Variants in CLVS1 observed in about 807,000 individuals in gnomAD.
CLVS1 encodes the protein clavesin 1, also known as clavesin-1.
A neutral mutation model predicts 33.1 loss-of-function variants in CLVS1; 10 were observed. The ratio of observed to expected loss-of-function variants is 0.30; its 90% CI spans 0.19 to 0.51. CLVS1 has a LOEUF of 0.51. CLVS1 is among the 20% of genes least tolerant of loss of function. The pLI is 0.97. For missense variants in CLVS1, 343 were observed against 433.4 expected, an observed-to-expected ratio of 0.79 and a Z score of 1.85; for synonymous variants, 163 against 166.1, an observed-to-expected ratio of 0.98 and a Z score of 0.14.
intron 2 of CLVS1, among the ~76,000 whole-genome samples, chr8:61,311,861 A>G (rs1371772797): frequency 6.6e-6 from 1 of 152,200 alleles, no homozygotes; most frequent in Non-Finnish European, 1.5e-5. Flanking sequence ...CAATTAGTTG[A>G]TTTGAAATTG....
chr8:61,038,489 T>C, the CLVS1 span, among the ~76,000 whole-genome samples: 1 of 151,016 alleles, frequency 6.6e-6, no homozygotes, highest in East Asian at 1.9e-4. Flanking sequence ...TATATATATG[T>C]GATATCTCAC....
intron 1 of CLVS1, among the ~76,000 whole-genome samples, chr8:61,119,516 GTTCCT>G (rs1805812496): frequency 6.7e-6 from 1 of 148,774 alleles, no homozygotes; most frequent in African/African-American, 2.5e-5. Flanking sequence ...GGTACTGGTT[GTTCCT>G]TTCCATGTTT....
chr8:60,981,423 G>A, the CLVS1 span, among the ~76,000 whole-genome samples: 1 of 152,252 alleles, frequency 6.6e-6, no homozygotes, highest in Non-Finnish European at 1.5e-5. Flanking sequence ...ATATCAGCAT[G>A]TTTCAAAACA....
intron 2 of CLVS1, among the ~76,000 whole-genome samples, chr8:61,338,310 A>T (rs139173193): frequency 7.9e-5 from 12 of 152,340 alleles, no homozygotes; most frequent in African/African-American, 2.9e-4. Flanking sequence ...TTTGCCACGC[A>T]TTTACCATTT....
At chr8:61,278,056 T>C (rs191148243) in intron 2 of CLVS1, among the ~76,000 whole-genome samples, 5 of 152,254 alleles carry the variant, frequency 3.3e-5, no homozygotes, top group Non-Finnish European at 5.9e-5. Context: ...CTAATGGTGG[T>C]TTGGCAGGTG....
chr8:61,440,996 T>C (rs1257339781), intron 3 of CLVS1, among the ~76,000 whole-genome samples: 2 of 152,232 alleles, frequency 1.3e-5, no homozygotes, highest in Admixed American at 1.3e-4. Flanking sequence ...GCATGAGCAC[T>C]TCATTTTCTT....
At chr8:61,160,522 T>G (rs748100702) in intron 2 of CLVS1, among the ~76,000 whole-genome samples, 1 of 152,208 alleles carries the variant, frequency 6.6e-6, no homozygotes, top group Non-Finnish European at 1.5e-5. Flanking sequence ...GAGAGAAGAC[T>G]TGCTTACATC....
the CLVS1 span, among the ~76,000 whole-genome samples, chr8:61,013,912 C>T: frequency 6.6e-6 from 1 of 152,156 alleles, no homozygotes; most frequent in Non-Finnish European, 1.5e-5. Flanking sequence ...AAGCTTGGCT[C>T]TTGTCCCTGT....
At chr8:61,021,962 C>T in the CLVS1 span, among the ~76,000 whole-genome samples, 5 of 152,192 alleles carry the variant, frequency 3.3e-5, no homozygotes, top group African/African-American at 1.2e-4. Flanking sequence ...TGCTTAGATG[C>T]CACTTATAAG....
chr8:61,116,405 T>A (rs1805724589), intron 1 of CLVS1, among the ~76,000 whole-genome samples: 1 of 152,234 alleles, frequency 6.6e-6, no homozygotes, highest in Admixed American at 6.5e-5. Flanking sequence ...TTGGCTTTTG[T>A]TGCCATTGCT....
chr8:61,458,192 A>G, intron 4 of CLVS1, 115 bp from the exon 5 acceptor site: 4 of 709,178 alleles, frequency 5.6e-6, no homozygotes, highest in South Asian at 5.3e-5. Flanking sequence ...CTCTTTAAAC[A>G]CTGTGATCAC....
intron 3 of CLVS1, among the ~76,000 whole-genome samples, chr8:61,401,735 G>T (rs1814770938): frequency 6.6e-6 from 1 of 151,968 alleles, no homozygotes. Flanking sequence ...AACCAAAAAA[G>T]AACTCAAATA....
At chr8:60,984,448 G>C in the CLVS1 span, among the ~76,000 whole-genome samples, 15 of 151,872 alleles carry the variant, frequency 9.9e-5, no homozygotes, top group Non-Finnish European at 1.9e-4. Flanking sequence ...AGCCTCCTGA[G>C]TAGCTGAGAT....
At chr8:61,016,025 A>G in the CLVS1 span, among the ~76,000 whole-genome samples, 1 of 152,340 alleles carries the variant, frequency 6.6e-6, no homozygotes, top group East Asian at 1.9e-4. Flanking sequence ...TCCAAAATCC[A>G]AAACTTTCTG....
At chr8:61,134,712 C>T (rs565618737) in intron 2 of CLVS1, among the ~76,000 whole-genome samples, 4 of 152,328 alleles carry the variant, frequency 2.6e-5, no homozygotes, top group South Asian at 4.1e-4. Flanking sequence ...TCTGCCTCCT[C>T]TTCCACATTT....
At chr8:61,461,032 A>C (rs188466036) in intron 5 of CLVS1, among the ~76,000 whole-genome samples, 264 of 152,304 alleles carry the variant, frequency 1.7e-3, no homozygotes, top group African/African-American at 6.0e-3. Flanking sequence ...TTAATTTTTC[A>C]GTCAGAATTG....
rs79778549 is a variant in CLVS1, at chr8:61,163,423, C to G, written c.-152+31563C>G. Among the ~76,000 whole-genome samples the G allele has an allele frequency of 7.1e-3, 1,081 of 152,240 alleles. 17 individuals carry two copies. The highest frequency in any genetic ancestry group is 0.025 in the African/African-American group (1,042 of 41,554). On this transcript the variant is annotated intron_variant, in intron 2 of 2. Coordinates refer to the CLVS1 transcript ENST00000522621. ...GTACACCATTGGGGACCCTAATTGT[C>G]AATGACAGATAATGGATCTTTTGAC...
chr8:61,044,805 T>C, the CLVS1 span, among the ~76,000 whole-genome samples: 1 of 152,198 alleles, frequency 6.6e-6, no homozygotes, highest in Non-Finnish European at 1.5e-5. Flanking sequence ...GGTAAGAATA[T>C]GCATGGGTTC....
chr8:61,154,856 G>A (rs1166031711), intron 2 of CLVS1, among the ~76,000 whole-genome samples: 1 of 152,180 alleles, frequency 6.6e-6, no homozygotes, highest in African/African-American at 2.4e-5. Context: ...TCATTTCTTT[G>A]TAAATTCAGC....
Sources: allele counts gnomAD v4.1 joint callset (sites outside exome capture counted in the v4.1 genomes callset), GRCh38; gene constraint gnomAD v4.1.1; transcripts MANE v1.5; gene names NCBI Gene and HGNC (gene_info 2026-07-23, HGNC 2026-07-21).